Variants in JAKMIP2 observed in about 807,000 individuals in gnomAD.
The protein encoded by JAKMIP2 is janus kinase and microtubule-interacting protein 2.
In JAKMIP2, 25 loss-of-function variants were observed where a neutral mutation model predicts 115.0. That is an observed-to-expected ratio of 0.22 (90% CI 0.16 to 0.30). The LOEUF (loss-of-function observed/expected upper bound fraction) is 0.30. Among genes scored for constraint, JAKMIP2 ranks in the 10% least tolerant of loss-of-function variants. The probability of loss-of-function intolerance (pLI) is 1.00; values close to 1 mark genes in which losing one functional copy is unlikely to be tolerated. For missense variants in JAKMIP2, 642 were observed against 957.6 expected (o/e 0.67, Z 4.35); for synonymous variants, 334 against 343.6 (o/e 0.97, Z 0.31).
intron 1 of JAKMIP2, among the ~76,000 whole-genome samples, chr5:147,707,452 C>A (rs1752623260): frequency 6.6e-6 from 1 of 152,052 alleles, no homozygotes. Context: ...GGGGAAAAAT[C>A]CATTCATGTG....
intron 1 of JAKMIP2, among the ~76,000 whole-genome samples, chr5:147,686,311 C>T (rs150029301): frequency 6.6e-6 from 1 of 151,828 alleles, no homozygotes; most frequent in Non-Finnish European, 1.5e-5. Context: ...TTGAATAAAT[C>T]GTTTTTTTGG....
intron 1 of JAKMIP2, among the ~76,000 whole-genome samples, chr5:147,723,433 G>A (rs1753395383): frequency 1.3e-5 from 2 of 152,012 alleles, no homozygotes; most frequent in African/African-American, 4.8e-5. Context: ...ATTCTCGATG[G>A]TATGTTCTAT....
Position 147,637,016 on chromosome 5 carries a change from C to T in JAKMIP2, c.1563G>A (p.Arg521=). Reference sequence around the variant, plus strand: ...CCAGGTCTTCAATTTTGGCTTTATACCTTAGCACCTCTGCTTGGAGCTGTT... The same window carrying T: ...CCAGGTCTTCAATTTTGGCTTTATATCTTAGCACCTCTGCTTGGAGCTGTT... ...AQEQLQAEVL[R]YKAKIEDLEA... The change falls in exon 11 of 22, where the codon AGG becomes AGA. Residue 521 remains arginine (R), a synonymous_variant. Transcript: ENST00000616793. 2 of 686,080 alleles carry T rather than the reference C, an allele frequency of 2.9e-6. No homozygotes were observed. Among genetic ancestry groups the T allele is most frequent in the Non-Finnish European group, 5.3e-6 (2 of 380,820 alleles). The allele number at this position is 686,080 out of a possible 1,614,324, so 42.5% of individuals were successfully genotyped here. A position where few individuals can be genotyped will look rare whatever the true frequency, so the allele number is the denominator to read the frequency against.
intron 21 of JAKMIP2, among the ~76,000 whole-genome samples, chr5:147,598,484 A>G (rs1277375382): frequency 6.6e-6 from 1 of 152,010 alleles, no homozygotes; most frequent in African/African-American, 2.4e-5. Flanking sequence ...TCATCTATCT[A>G]TCTATCTATG....
chr5:147,729,187 A>G (rs1351543353), intron 1 of JAKMIP2, among the ~76,000 whole-genome samples: 1 of 152,110 alleles, frequency 6.6e-6, no homozygotes, highest in Non-Finnish European at 1.5e-5. Context: ...GAGTTGGCTG[A>G]CATCAGTTTT....
chr5:147,655,724 G>A (rs1758642309), intron 3 of JAKMIP2, among the ~76,000 whole-genome samples: 1 of 151,966 alleles, frequency 6.6e-6, no homozygotes, highest in Non-Finnish European at 1.5e-5. Context: ...GCTATTTCTT[G>A]TCTTCTGCTA....
chr5:147,691,785 C>T (rs990094897), intron 1 of JAKMIP2, among the ~76,000 whole-genome samples: 3 of 152,038 alleles, frequency 2.0e-5, no homozygotes, highest in Non-Finnish European at 4.4e-5. Flanking sequence ...GTGATGTCCA[C>T]GCCTCATGGG....
In JAKMIP2 at chr5:147,585,603, G is replaced by A. The variant is rs917089487; in HGVS notation, c.*6104C>T. 2.0e-5 allele frequency: 3 copies of A among 151,934 alleles called. No individual in the cohort carries two copies. The highest frequency in any genetic ancestry group is 4.4e-5 in the Non-Finnish European group (3 of 68,010). The allele number at this position is 151,934 out of a possible 1,614,324, so 9.4% of individuals were successfully genotyped here. ...ATACATACAGTACATGTACATATTC[G>A]GTGTACTTCAGAGGATCATTCTGGT... On this transcript the variant is annotated 3_prime_UTR_variant, in exon 22 of 22. Transcript: ENST00000616793.
intron 20 of JAKMIP2, among the ~76,000 whole-genome samples, chr5:147,607,680 TGGCCTC>T (rs1756098738): frequency 6.6e-6 from 1 of 152,218 alleles, no homozygotes; most frequent in African/African-American, 2.4e-5. Context: ...AGAATGATGC[TGGCCTC>T]ATAAAATGAG....
intron 1 of JAKMIP2, among the ~76,000 whole-genome samples, chr5:147,761,401 G>A (rs1754924691): frequency 6.6e-6 from 1 of 151,960 alleles, no homozygotes; most frequent in African/African-American, 2.4e-5. Context: ...TACACATGAG[G>A]AGTCTGGGGC....
intron 1 of JAKMIP2, among the ~76,000 whole-genome samples, chr5:147,781,632 A>G (rs1755760900): frequency 6.6e-6 from 1 of 152,224 alleles, no homozygotes; most frequent in Non-Finnish European, 1.5e-5. Flanking sequence ...ATCTGTTCCA[A>G]TCGGTCACAA....
Position 147,628,796 on chromosome 5 carries a change from T to C in JAKMIP2, c.1950A>G (p.Gln650=), listed in dbSNP as rs762309468. 166 of 1,613,116 alleles carry C rather than the reference T, an allele frequency of 1.0e-4. No individual in the cohort carries two copies. The highest frequency in any genetic ancestry group is 1.2e-4 in the Non-Finnish European group (144 of 1,179,410). Residue 650 remains glutamine, a synonymous_variant, in exon 16 of 22, where the codon CAA becomes CAG. Coordinates refer to ENST00000616793, the MANE Select transcript of JAKMIP2 (RefSeq NM_001270941.2). The part of the protein sequence containing the change: ...GDNGNLRNEE[Q]VAIIQASTVL... The stretch of plus-strand genomic sequence containing the variant: ...CAGTGCTGGCCTGAATTATGGCCAC[T>C]TGTTCTTCATTTCTTAAATTCTGTA...
intron 1 of JAKMIP2, among the ~76,000 whole-genome samples, chr5:147,754,923 T>A (rs796906213): frequency 6.6e-6 from 1 of 152,002 alleles, no homozygotes. Context: ...CCACTATGAG[T>A]GGAAGAGAGC....
At chr5:147,636,090 C>G in intron 12 of JAKMIP2, 132 bp downstream of exon 12, 1 of 675,856 alleles carries the variant, frequency 1.5e-6, no homozygotes, top group South Asian at 1.8e-5. Flanking sequence ...AGCACGCAGC[C>G]GAGGACAGAG....
chr5:147,672,590 G>C (rs1759675403), intron 1 of JAKMIP2, among the ~76,000 whole-genome samples: 1 of 150,486 alleles, frequency 6.6e-6, no homozygotes, highest in Non-Finnish European at 1.5e-5. Context: ...ATCTATCAAC[G>C]ATCTATCTAT....
At chr5:147,711,887 T>TG (rs1446834272) in intron 1 of JAKMIP2, among the ~76,000 whole-genome samples, 1 of 152,168 alleles carries the variant, frequency 6.6e-6, no homozygotes, top group Non-Finnish European at 1.5e-5. Context: ...AGGCTGGTCT[T>TG]GAATTCCTGA....
chr5:147,737,303 T>C (rs1753963253), intron 1 of JAKMIP2, among the ~76,000 whole-genome samples: 2 of 152,200 alleles, frequency 1.3e-5, no homozygotes, highest in South Asian at 4.1e-4. Flanking sequence ...TGTAACTTTT[T>C]ATTTTCTCAG....
chr5:147,716,566 G>A (rs1406086058), intron 1 of JAKMIP2, among the ~76,000 whole-genome samples: 15 of 152,174 alleles, frequency 9.9e-5, no homozygotes, highest in African/African-American at 3.1e-4. Context: ...ATCTCATTGC[G>A]GTTTTGATTT....
chr5:147,765,042 AAG>A (rs1284161947), intron 1 of JAKMIP2, among the ~76,000 whole-genome samples: 44 of 115,210 alleles, frequency 3.8e-4, no homozygotes, highest in Non-Finnish European at 6.9e-4. Flanking sequence ...GAAAGAAAGA[AAG>A]AGAGAAGAGA....
Sources: gnomAD v4.1 joint callset for allele counts (sites outside exome capture counted in the v4.1 genomes callset) on GRCh38, gnomAD v4.1.1 for gene constraint, MANE v1.5 for transcripts, NCBI Gene and HGNC (gene_info 2026-07-23, HGNC 2026-07-21) for gene names.